SGSM1: variants seen among roughly 807,000 people sequenced by gnomAD.
The protein encoded by SGSM1 is RUN and TBC1 domain containing 2.
Under a neutral mutation model 133.8 loss-of-function variants are expected in SGSM1, and 73 were observed. The observed-to-expected ratio is 0.55, with a 90% CI of 0.45 to 0.66. SGSM1 has a LOEUF of 0.66. Among genes scored for constraint, SGSM1 ranks in the 30% least tolerant of loss-of-function variants. SGSM1 has a pLI of 0.00. For synonymous variants in SGSM1, 563 were observed against 573.0 expected, an observed-to-expected ratio of 0.98 and a Z score of 0.25; for missense variants, 1,213 against 1,448.1, an observed-to-expected ratio of 0.84 and a Z score of 2.64.
intron 14 of SGSM1, among the ~76,000 whole-genome samples, chr22:24,882,009 TG>T (rs199879551): frequency 0.019 from 2,918 of 150,868 alleles, 56 homozygotes; most frequent in East Asian, 0.092. Flanking sequence ...GTTACTGACT[TG>T]GGGGGGGGCC....
intron 2 of SGSM1, among the ~76,000 whole-genome samples, chr22:24,832,193 C>G (rs1929157996): frequency 6.6e-6 from 1 of 152,154 alleles, no homozygotes; most frequent in Admixed American, 6.5e-5. Flanking sequence ...ATCAGATTGA[C>G]CAGGGTTTAA....
chr22:24,812,596 G>A lies in SGSM1; in HGVS notation c.63+6112G>A, dbSNP rs575892990. Among the ~76,000 whole-genome samples, 14 of 152,302 alleles carry A rather than the reference G, an allele frequency of 9.2e-5. No individual in the cohort carries two copies. The East Asian group carries it at 2.7e-3, about 29-fold the overall frequency. On this transcript the variant is annotated intron_variant, in intron 2 of 24. Transcript: ENST00000400358. ...GTCCATTAGTCCCAGCTTGTGCAGG[G>A]CTGTATGTGCCAGGCTGTGCCATTT...
chr22:24,866,974 G>C, intron 9 of SGSM1, 119 bp from the exon 10 acceptor site: 1 of 890,412 alleles, frequency 1.1e-6, no homozygotes, highest in Non-Finnish European at 1.8e-6. Flanking sequence ...GGACACAGAT[G>C]CTGGGGACCT....
chr22:24,846,774 C>A (rs1292537895), intron 3 of SGSM1, among the ~76,000 whole-genome samples: 3 of 151,828 alleles, frequency 2.0e-5, no homozygotes, highest in Non-Finnish European at 4.4e-5. Flanking sequence ...TCTAAGAGAT[C>A]ATCTCCTCAA....
intron 13 of SGSM1, 41 bp downstream of exon 13, chr22:24,876,756 T>A: frequency 6.2e-7 from 1 of 1,612,878 alleles, no homozygotes; most frequent in Non-Finnish European, 8.5e-7. Context: ...AGCTGAAGGA[T>A]GTACCAGAGA....
At chr22:24,912,545 T>A (rs1206760392) in intron 21 of SGSM1, 98 bp from the exon 22 acceptor site, 3 of 785,582 alleles carry the variant, frequency 3.8e-6, no homozygotes, top group Non-Finnish European at 6.3e-6. Context: ...CCCCCAACAT[T>A]GGAGGTCATA....
At chr22:24,869,977 G>C (rs1931686881) in intron 12 of SGSM1, among the ~76,000 whole-genome samples, 1 of 152,236 alleles carries the variant, frequency 6.6e-6, no homozygotes, top group South Asian at 2.1e-4. Flanking sequence ...GGTTCTTTCT[G>C]TTCACTTCAT....
At position 24,876,299 on chromosome 22, in the gene SGSM1, C is replaced by T. The variant is rs566121256; in HGVS notation, c.1292-278C>T. On this transcript the variant is annotated intron_variant, in intron 12 of 24. Coordinates refer to ENST00000400358, the MANE Select transcript of SGSM1 (RefSeq NM_001098497.3). The stretch of plus-strand genomic sequence containing the variant: ...ACATGGCAAGGCTTGGCCTCCTGCT[C>T]TGGGATTGGGCCTGGTTTCTTGGCT... Among the ~76,000 whole-genome samples, 3 of 152,304 alleles carry T rather than the reference C, an allele frequency of 2.0e-5. No individual in the cohort carries two copies. The East Asian group carries it at 5.8e-4, about 29-fold the overall frequency.
chr22:24,859,076 G>A (rs180839906), intron 8 of SGSM1, among the ~76,000 whole-genome samples: 1 of 152,348 alleles, frequency 6.6e-6, no homozygotes, highest in East Asian at 1.9e-4. Context: ...AATCAAGACA[G>A]TGCGTGTGAA....
intron 21 of SGSM1, among the ~76,000 whole-genome samples, chr22:24,908,311 T>A (rs1447171829): frequency 6.8e-6 from 1 of 146,316 alleles, no homozygotes; most frequent in Non-Finnish European, 1.5e-5. Context: ...GAATTTTTTT[T>A]AGATATGACA....
At chr22:24,846,052 T>C (rs1180653731) in intron 3 of SGSM1, among the ~76,000 whole-genome samples, 1 of 148,844 alleles carries the variant, frequency 6.7e-6, no homozygotes, top group African/African-American at 2.5e-5. Context: ...TTTTTTTTTT[T>C]TTTTGAGACA....
chr22:24,812,675 G>A lies in SGSM1; in HGVS notation c.63+6191G>A, dbSNP rs1712015749. On this transcript the variant is annotated intron_variant, in intron 2 of 24. Coordinates refer to ENST00000400358, the MANE Select transcript of SGSM1 (RefSeq NM_001098497.3). ...TATAGAAGATTTATGAGCAAGGGAG[G>A]GTTTTGCTTAGGGCTGTACTTCAGG... 2.0e-5 allele frequency among the ~76,000 whole-genome samples: 3 copies of A among 152,236 alleles called. No individual in the cohort carries two copies. The South Asian group carries it at 6.2e-4, about 32-fold the overall frequency.
chr22:24,845,941 T>TTTTCTTTTC (rs1491325876), intron 3 of SGSM1, among the ~76,000 whole-genome samples: 163 of 115,690 alleles, frequency 1.4e-3, no homozygotes, highest in Middle Eastern at 0.012. Context: ...TTTTCTTTTC[T>TTTTCTTTTC]TTTCTTTCTT....
intron 24 of SGSM1, among the ~76,000 whole-genome samples, chr22:24,923,152 A>C (rs910301139): frequency 5.3e-5 from 8 of 152,174 alleles, no homozygotes; most frequent in Non-Finnish European, 1.2e-4. Flanking sequence ...AAGAAAAAAA[A>C]AGAAGAAAGT....
At chr22:24,922,931 C>T (rs904563723) in intron 24 of SGSM1, among the ~76,000 whole-genome samples, 9 of 152,166 alleles carry the variant, frequency 5.9e-5, no homozygotes, top group Non-Finnish European at 1.3e-4. Flanking sequence ...AGTTCCAGAC[C>T]ATTCTGGCCA....
intron 3 of SGSM1, 109 bp from the exon 4 acceptor site, chr22:24,847,525 A>G: frequency 7.4e-7 from 1 of 1,357,230 alleles, no homozygotes; most frequent in Non-Finnish European, 9.9e-7. Flanking sequence ...GAAGGTAAGA[A>G]GATTGAGAGG....
intron 9 of SGSM1, among the ~76,000 whole-genome samples, chr22:24,866,381 G>A (rs6004330): frequency 0.1 from 15,334 of 152,220 alleles, 933 homozygotes; most frequent in South Asian, 0.24. Context: ...TGAAGCTATT[G>A]AGAGGCTATC....
chr22:24,845,017 C>T (rs1275090141), intron 3 of SGSM1, 45 bp downstream of exon 3: 1 of 1,593,958 alleles, frequency 6.3e-7, no homozygotes, highest in Non-Finnish European at 8.6e-7. Context: ...CTGTGGGCTG[C>T]CTCGGGGAAG....
intron 9 of SGSM1, among the ~76,000 whole-genome samples, chr22:24,863,093 G>A (rs1465232057): frequency 6.6e-6 from 1 of 152,176 alleles, no homozygotes; most frequent in East Asian, 1.9e-4. Flanking sequence ...AGATAATCGG[G>A]GACCCGTGTT....
Sources: allele counts gnomAD v4.1 joint callset (sites outside exome capture counted in the v4.1 genomes callset), GRCh38; gene constraint gnomAD v4.1.1; transcripts MANE v1.5; gene names NCBI Gene and HGNC (gene_info 2026-07-23, HGNC 2026-07-21).